Variants in ATXN1 observed in about 807,000 individuals in gnomAD.
ATXN1 encodes the protein ataxin 1.
In ATXN1, 8 loss-of-function variants were observed where a neutral mutation model predicts 56.4. That is an observed-to-expected ratio of 0.14 (90% CI 0.08 to 0.26). The LOEUF (loss-of-function observed/expected upper bound fraction) is 0.26, where lower values mean the gene tolerates loss of function less well. ATXN1 is among the 10% of genes least tolerant of loss of function. The pLI, the probability that ATXN1 is intolerant of heterozygous loss-of-function variation, is 1.00. For missense variants in ATXN1, 987 were observed against 1,106.5 expected, an observed-to-expected ratio of 0.89 and a Z score of 1.53; for synonymous variants, 514 against 494.6, an observed-to-expected ratio of 1.04 and a Z score of -0.52.
rs189853899 is a variant in ATXN1 at position 16,541,702 on chromosome 6, G to T, written c.-360-19014C>A. On this transcript the variant is annotated intron_variant, in intron 4 of 7. Coordinates refer to ENST00000436367, the MANE Select transcript of ATXN1 (RefSeq NM_001128164.2). Reference sequence around the variant, plus strand: ...GCACTTGGACCTGTATCCTGACACCGCCAAATCAGAGGAGGCAGAAAGCCC... The same window carrying T: ...GCACTTGGACCTGTATCCTGACACCTCCAAATCAGAGGAGGCAGAAAGCCC... Among the ~76,000 whole-genome samples, 24 of 152,276 alleles carry T rather than the reference G, an allele frequency of 1.6e-4. No individual in the cohort carries two copies. In the East Asian group the frequency reaches 4.4e-3, roughly 28 times the overall value.
intron 2 of ATXN1, among the ~76,000 whole-genome samples, chr6:16,725,090 G>A (rs1759820045): frequency 6.6e-6 from 1 of 152,188 alleles, no homozygotes; most frequent in Non-Finnish European, 1.5e-5. Context: ...CGTTTATTAA[G>A]TTTTGAAGAA....
chr6:16,710,608 G>A (rs1228591304), intron 2 of ATXN1, among the ~76,000 whole-genome samples: 1 of 152,004 alleles, frequency 6.6e-6, no homozygotes, highest in Non-Finnish European at 1.5e-5. Flanking sequence ...TTATTTTTGA[G>A]ACAGGGTCCA....
intron 4 of ATXN1, among the ~76,000 whole-genome samples, chr6:16,546,236 C>A (rs747668487): frequency 2.6e-5 from 4 of 152,224 alleles, no homozygotes; most frequent in Non-Finnish European, 1.5e-5. Context: ...CAGTGACAAA[C>A]CATGGCTGAT....
At chr6:16,332,534 G>A (rs951297899) in intron 6 of ATXN1, among the ~76,000 whole-genome samples, 6 of 152,162 alleles carry the variant, frequency 3.9e-5, no homozygotes, top group Admixed American at 3.9e-4. Flanking sequence ...GTTTATCTCT[G>A]GAAGCACCTG....
intron 3 of ATXN1, among the ~76,000 whole-genome samples, chr6:16,596,991 G>A (rs550597960): frequency 3.1e-4 from 47 of 152,168 alleles, no homozygotes; most frequent in Non-Finnish European, 6.0e-4. Flanking sequence ...TGGGTGTCTC[G>A]CTGGCTGTGC....
chr6:16,540,124 G>A (rs922831334), intron 4 of ATXN1, among the ~76,000 whole-genome samples: 56 of 152,170 alleles, frequency 3.7e-4, no homozygotes, highest in Non-Finnish European at 7.5e-4. Context: ...GCAATGCTGA[G>A]AATCAAGAAA....
chr6:16,461,621 T>C (rs1438317517), intron 6 of ATXN1, among the ~76,000 whole-genome samples: 1 of 152,206 alleles, frequency 6.6e-6, no homozygotes, highest in Non-Finnish European at 1.5e-5. Flanking sequence ...GATAGAAGCC[T>C]TCCCCTGCAA....
chr6:16,346,247 T>TTA (rs1207427616), intron 6 of ATXN1, among the ~76,000 whole-genome samples: 1 of 151,948 alleles, frequency 6.6e-6, no homozygotes, highest in Non-Finnish European at 1.5e-5. Flanking sequence ...TCAGACAGGG[T>TTA]TATATCATGT....
intron 3 of ATXN1, chr6:16,615,112 T>G (rs2113794867): frequency 6.7e-6 from 1 of 148,274 alleles, no homozygotes; most frequent in East Asian, 2.0e-4. Flanking sequence ...TTCTAATAAC[T>G]TTGGGGACAG....
At chr6:16,536,171 C>G (rs1189798803) in intron 4 of ATXN1, among the ~76,000 whole-genome samples, 1 of 152,164 alleles carries the variant, frequency 6.6e-6, no homozygotes, top group East Asian at 1.9e-4. Context: ...GAGCTGAGAT[C>G]GTACCACTGC....
At chr6:16,641,977 GAA>G (rs1399398018) in intron 3 of ATXN1, among the ~76,000 whole-genome samples, 9 of 152,308 alleles carry the variant, frequency 5.9e-5, no homozygotes, top group Non-Finnish European at 1.3e-4. Flanking sequence ...AGATGAGGTG[GAA>G]ACAGCAAGAG....
chr6:16,740,584 C>T (rs1488915184), intron 2 of ATXN1, among the ~76,000 whole-genome samples: 1 of 152,100 alleles, frequency 6.6e-6, no homozygotes, highest in African/African-American at 2.4e-5. Context: ...GGAAATACAC[C>T]TCAAAAAGCT....
intron 2 of ATXN1, among the ~76,000 whole-genome samples, chr6:16,699,407 G>A (rs115929150): frequency 0.011 from 1,743 of 152,344 alleles, 18 homozygotes; most frequent in Middle Eastern, 0.02. Context: ...AAGGTTAGGA[G>A]TAGGTGAGGA....
chr6:16,625,544 T>C (rs1763393344), intron 3 of ATXN1, among the ~76,000 whole-genome samples: 1 of 152,114 alleles, frequency 6.6e-6, no homozygotes, highest in Non-Finnish European at 1.5e-5. Context: ...AGAGAGCTGA[T>C]AATAGCAGGC....
chr6:16,656,227 A>G (rs568001081), intron 3 of ATXN1, among the ~76,000 whole-genome samples: 1 of 152,278 alleles, frequency 6.6e-6, no homozygotes, highest in African/African-American at 2.4e-5. Context: ...ACTGGTTGAT[A>G]CAATGAGCCC....
chr6:16,423,062 G>T (rs533048710), intron 6 of ATXN1, among the ~76,000 whole-genome samples: 12 of 152,310 alleles, frequency 7.9e-5, no homozygotes, highest in African/African-American at 1.9e-4. Context: ...TAGAGCACCA[G>T]GGGTAGGGGG....
intron 2 of ATXN1, among the ~76,000 whole-genome samples, chr6:16,712,009 C>G (rs1759534449): frequency 6.6e-6 from 1 of 152,036 alleles, no homozygotes; most frequent in African/African-American, 2.4e-5. Flanking sequence ...CAAGAACAAA[C>G]AAAATTCAAT....
chr6:16,494,541 T>C (rs1440184414), intron 5 of ATXN1, among the ~76,000 whole-genome samples: 2 of 152,232 alleles, frequency 1.3e-5, no homozygotes, highest in African/African-American at 4.8e-5. Flanking sequence ...ATCATTAGCA[T>C]GGCTTATCAC....
chr6:16,541,340 G>A (rs1292512610), intron 4 of ATXN1, among the ~76,000 whole-genome samples: 1 of 152,206 alleles, frequency 6.6e-6, no homozygotes, highest in African/African-American at 2.4e-5. Context: ...GGAAGGCAGA[G>A]GATTAAGATT....
Sources: allele counts gnomAD v4.1 joint callset (sites outside exome capture counted in the v4.1 genomes callset), GRCh38; gene constraint gnomAD v4.1.1; transcripts MANE v1.5; gene names NCBI Gene and HGNC (gene_info 2026-07-23, HGNC 2026-07-21).